The following CCNH variants were observed in gnomAD, a reference collection of about 807,000 sequenced individuals.
CCNH encodes cyclin-H.
Under a neutral mutation model 41.9 loss-of-function variants are expected in CCNH, and 31 were observed. That is an observed-to-expected ratio of 0.74 (90% CI 0.56 to 1.00). The LOEUF is 1.00. Among genes scored for constraint, CCNH ranks in the 50% least tolerant of loss-of-function variants. The pLI is 0.00. For missense variants in CCNH, 362 were observed against 388.4 expected (o/e 0.93, Z 0.57); for synonymous variants, 138 against 136.1 (o/e 1.01, Z -0.10).
downstream of CCNH, among the ~76,000 whole-genome samples, chr5:87,386,655 G>T (rs1762081528): frequency 6.6e-6 from 1 of 151,986 alleles, no homozygotes; most frequent in African/African-American, 2.4e-5. Context: ...TGTTGCTGCT[G>T]CTACACCTAA....
chr5:87,322,807 C>A (rs1010015187), intron 9 of CCNH, among the ~76,000 whole-genome samples: 1 of 152,116 alleles, frequency 6.6e-6, no homozygotes, highest in Non-Finnish European at 1.5e-5. Flanking sequence ...ATAAACACAA[C>A]CACATACATA....
chr5:87,393,864 G>GAGTT (rs1287958673), downstream of CCNH: 1 of 152,188 alleles, frequency 6.6e-6, no homozygotes, highest in East Asian at 1.9e-4. Flanking sequence ...ACTAGCGTAA[G>GAGTT]AGTTTGATGT....
chr5:87,323,659 A>G (rs1372683655), intron 9 of CCNH, among the ~76,000 whole-genome samples: 2 of 151,940 alleles, frequency 1.3e-5, no homozygotes, highest in African/African-American at 4.8e-5. Context: ...TTTGTAAAGT[A>G]TATTGTAAAG....
At chr5:87,404,259 T>C (rs1489227081) in intron 5 of CCNH, among the ~76,000 whole-genome samples, 1 of 152,184 alleles carries the variant, frequency 6.6e-6, no homozygotes, top group Admixed American at 6.5e-5. Context: ...TACAATCTGC[T>C]CTATTTGCTG....
downstream of CCNH, chr5:87,372,336 G>C: frequency 1.4e-6 from 1 of 728,314 alleles, no homozygotes; most frequent in Admixed American, 2.3e-5. Context: ...GCAGGAAAAC[G>C]TTACTTCTTT....
chr5:87,354,022 T>G (rs936810826), intron 9 of CCNH, among the ~76,000 whole-genome samples: 2 of 152,106 alleles, frequency 1.3e-5, no homozygotes, highest in African/African-American at 2.4e-5. Context: ...TTAAGGGTTT[T>G]GGGTACCCAG....
chr5:87,381,773 A>G (rs1397855496), upstream of CCNH, among the ~76,000 whole-genome samples: 1 of 152,226 alleles, frequency 6.6e-6, no homozygotes, highest in Admixed American at 6.6e-5. Flanking sequence ...GTTTCAAACA[A>G]GTATAACTGT....
At chr5:87,393,115 G>T (rs1762639560), downstream of CCNH, among the ~76,000 whole-genome samples, 1 of 150,874 alleles carries the variant, frequency 6.6e-6, no homozygotes, top group African/African-American at 2.4e-5. Context: ...ACAGTGTAAA[G>T]AATTATTGTT....
At chr5:87,349,340 T>G (rs1759093314) in intron 9 of CCNH, 1 of 1,611,832 alleles carries the variant, frequency 6.2e-7, no homozygotes, top group Admixed American at 1.7e-5. Context: ...AATCAGTTTA[T>G]GATGGGAGGC....
chr5:87,399,251 G>C lies in CCNH; in HGVS notation c.872+143C>G. On this transcript the variant is annotated intron_variant, in intron 7 of 8. Transcript: ENST00000256897. ...CCGAACTATTACCTTAATCTCATTAGAAATGTCCATTCAATAAAGAAAATC... is the reference window on the plus strand; with the variant it reads ...CCGAACTATTACCTTAATCTCATTACAAATGTCCATTCAATAAAGAAAATC... 3 of 669,208 alleles carry C rather than the reference G, an allele frequency of 4.5e-6. No homozygotes were observed. In the Admixed American group the frequency reaches 7.0e-5, roughly 16 times the overall value. 41.5% of individuals were successfully genotyped at this position (669,208 alleles called of 1,614,324 possible).
chr5:87,325,966 C>T (rs751972930), intron 9 of CCNH, among the ~76,000 whole-genome samples: 13 of 152,168 alleles, frequency 8.5e-5, no homozygotes, highest in Non-Finnish European at 1.5e-4. Context: ...GCAGCAGCCC[C>T]CCACCCCCTT....
At position 87,411,220 on chromosome 5, in the gene CCNH, T is replaced by C. The variant is rs376468806; in HGVS notation, c.240+4A>G. 2.3e-4 allele frequency: 369 copies of C among 1,608,096 alleles called. No homozygotes were observed. Among genetic ancestry groups the C allele is most frequent in the Admixed American group, 7.8e-4 (46 of 58,878 alleles). On this transcript the variant is annotated splice_donor_region_variant and intron_variant, in intron 2 of 8. Transcript: ENST00000256897. ...CATTATATTTCATCACCACTGTAACTTACCACAACAGATCTTGGCATTGCT... is the reference window on the plus strand; with the variant it reads ...CATTATATTTCATCACCACTGTAACCTACCACAACAGATCTTGGCATTGCT...
At chr5:87,325,291 C>G (rs2112348887) in intron 9 of CCNH, among the ~76,000 whole-genome samples, 2 of 152,272 alleles carry the variant, frequency 1.3e-5, no homozygotes, top group South Asian at 4.1e-4. Context: ...GTCCCACCCA[C>G]AACATGTGGG....
intron 9 of CCNH, among the ~76,000 whole-genome samples, chr5:87,323,984 G>C (rs1477698387): frequency 6.6e-6 from 1 of 152,146 alleles, no homozygotes; most frequent in African/African-American, 2.4e-5. Flanking sequence ...CTGTCATGGT[G>C]TTCTGTCGTA....
At chr5:87,352,979 T>C (rs1432462625) in intron 9 of CCNH, among the ~76,000 whole-genome samples, 4 of 152,020 alleles carry the variant, frequency 2.6e-5, no homozygotes, top group Admixed American at 6.6e-5. Context: ...ATTGAGAACA[T>C]TGTTTTTTCT....
downstream of CCNH, among the ~76,000 whole-genome samples, chr5:87,315,556 T>TA (rs571309857): frequency 1.3e-4 from 20 of 152,210 alleles, no homozygotes; most frequent in Non-Finnish European, 2.6e-4. Context: ...AGCTTCCTTT[T>TA]AAAAAAATCT....
chr5:87,335,528 C>T (rs555890364), intron 9 of CCNH, among the ~76,000 whole-genome samples: 10 of 146,564 alleles, frequency 6.8e-5, no homozygotes, highest in East Asian at 2.0e-4. Flanking sequence ...TGGGTTCAAG[C>T]GATTCTCCTG....
Position 87,412,714 on chromosome 5 carries a change from G to C in CCNH, c.81C>G (p.Asn27Lys). 6.2e-7 allele frequency: 1 copy of C among 1,614,178 alleles called. No homozygotes were observed. Among genetic ancestry groups the C allele is most frequent in the Non-Finnish European group, 8.5e-7 (1 of 1,180,004 alleles). Residue 27 changes from asparagine to lysine, a missense_variant, in exon 1 of 9, where the codon AAC (asparagine) becomes AAG (lysine). Physicochemically the swap from Asn to Lys is moderately conservative, Grantham distance 94. Coordinates refer to ENST00000256897, the MANE Select transcript of CCNH (RefSeq NM_001239.4). The part of the protein sequence containing the change: ...EQLARLRADA[N>K]RKFRCKAVAN... ...CCACGGCTTTGCATCTGAATTTGCG[G>C]TTGGCGTCAGCCCGCAGTCTTGCCA...
upstream of CCNH, chr5:87,379,910 A>G (rs189907354): frequency 9.6e-4 from 1,475 of 1,537,438 alleles, 27 homozygotes; most frequent in South Asian, 0.014. Flanking sequence ...AGAAATTTCT[A>G]TTTCTAAAAC....
Sources: gnomAD v4.1 joint callset for allele counts (sites outside exome capture counted in the v4.1 genomes callset) on GRCh38, gnomAD v4.1.1 for gene constraint, MANE v1.5 for transcripts, NCBI Gene and HGNC (gene_info 2026-07-23, HGNC 2026-07-21) for gene names.